SERINC1: variants seen among roughly 807,000 people sequenced by gnomAD.
The protein encoded by SERINC1 is serine incorporator 1, also known as tumor differentially expressed protein 2.
A neutral mutation model predicts 52.9 loss-of-function variants in SERINC1; 38 were observed. The observed-to-expected ratio is 0.72, with a 90% CI of 0.55 to 0.94. SERINC1 has a LOEUF of 0.94. Among genes scored for constraint, SERINC1 ranks in the 40% least tolerant of loss-of-function variants. The pLI is 0.00. For missense variants in SERINC1, 471 were observed against 533.9 expected (o/e 0.88, Z 1.16); for synonymous variants, 198 against 183.1 (o/e 1.08, Z -0.66).
intron 1 of SERINC1, among the ~76,000 whole-genome samples, chr6:122,468,225 A>G (rs939933162): frequency 6.6e-6 from 1 of 152,228 alleles, no homozygotes; most frequent in African/African-American, 2.4e-5. Flanking sequence ...TGTCTTATAC[A>G]ATGTTTTTCT....
At chr6:122,469,434 T>C (rs982208265) in intron 1 of SERINC1, among the ~76,000 whole-genome samples, 31 of 151,900 alleles carry the variant, frequency 2.0e-4, no homozygotes, top group Admixed American at 5.2e-4. Flanking sequence ...TGGAGTGCAG[T>C]GGCGCCATCT....
chr6:122,449,945 C>T (rs1447913559), intron 7 of SERINC1, among the ~76,000 whole-genome samples: 1 of 152,114 alleles, frequency 6.6e-6, no homozygotes, highest in Non-Finnish European at 1.5e-5. Flanking sequence ...ACCAAGGAGA[C>T]AGAAGTTGCA....
chr6:122,463,769 T>G (rs561727596), intron 1 of SERINC1, among the ~76,000 whole-genome samples: 1 of 152,310 alleles, frequency 6.6e-6, no homozygotes, highest in South Asian at 2.1e-4. Flanking sequence ...ACAACCATTT[T>G]GGAAACCAGT....
rs72956453 is a variant in SERINC1 at position 122,444,869 on chromosome 6, A to G, written c.*175T>C. The G allele has an allele frequency of 1.1e-3, 677 of 614,874 alleles. No individual in the cohort carries two copies. The highest frequency in any genetic ancestry group is 6.7e-3 in the Middle Eastern group (16 of 2,378). 38.1% of individuals were successfully genotyped at this position (614,874 alleles called of 1,614,324 possible). ...TCCTCTGCAATTCATTCTACTTCAC[A>G]TATCAATGCACTTGGTAAGAAAATA... On this transcript the variant is annotated 3_prime_UTR_variant, in exon 10 of 10. Transcript: ENST00000339697.
rs1157283312 is a variant in SERINC1 at position 122,456,398 on chromosome 6, C to A, written c.371+83G>T. 6 of 843,382 alleles carry A rather than the reference C, an allele frequency of 7.1e-6. No homozygotes were observed. In the South Asian group the frequency reaches 1.9e-4, roughly 27 times the overall value. The allele number at this position is 843,382 out of a possible 1,614,324, so 52.2% of individuals were successfully genotyped here. A position where few individuals can be genotyped will look rare whatever the true frequency, so the allele number is the denominator to read the frequency against. ...CTGCAAATTGTATAAGTTTATTTTA[C>A]CTTAAAGTTTCCTTGGATAAACTGG... On this transcript the variant is annotated intron_variant, in intron 3 of 9. Coordinates refer to ENST00000339697, the MANE Select transcript of SERINC1 (RefSeq NM_020755.4).
At chr6:122,459,259 C>T (rs753950690) in intron 1 of SERINC1, among the ~76,000 whole-genome samples, 5 of 152,156 alleles carry the variant, frequency 3.3e-5, no homozygotes, top group Non-Finnish European at 7.4e-5. Context: ...AGTATGCCCC[C>T]AAGGGAACAG....
intron 1 of SERINC1, among the ~76,000 whole-genome samples, chr6:122,459,229 AACC>A (rs1775056905): frequency 2.0e-5 from 3 of 152,332 alleles, no homozygotes; most frequent in East Asian, 3.9e-4. Context: ...TTTCTCCAGT[AACC>A]ACCACACTAA....
Position 122,453,898 on chromosome 6 carries a change from T to A in SERINC1, c.461A>T (p.Tyr154Phe). The A allele has an allele frequency of 6.3e-7, 1 of 1,594,570 alleles. No homozygotes were observed. The highest frequency in any genetic ancestry group is 8.6e-7 in the Non-Finnish European group (1 of 1,168,032). Residue 154 changes from tyrosine (Y) to phenylalanine (F), a missense_variant, in exon 5 of 10, where the codon TAT (tyrosine) becomes TTT (phenylalanine). By Grantham distance (22) the Tyr-to-Phe change is conservative. Transcript: ENST00000339697. ...PEGTFTTVWF[Y>F]VGMAGAFCFI... ...ACAAAAGGCACCTGCCATGCCTACA[T>A]AAAACCACACTGAAAGGGAAAGAAA...
chr6:122,455,607 A>C (rs952888026), intron 3 of SERINC1, among the ~76,000 whole-genome samples: 1 of 152,108 alleles, frequency 6.6e-6, no homozygotes, highest in Non-Finnish European at 1.5e-5. Flanking sequence ...CCCTTTATAT[A>C]TATCTATCTA....
intron 1 of SERINC1, among the ~76,000 whole-genome samples, chr6:122,460,879 A>G (rs1775089350): frequency 6.6e-6 from 1 of 152,194 alleles, no homozygotes; most frequent in Non-Finnish European, 1.5e-5. Context: ...ACGGACAGAC[A>G]TGGAAGATAA....
intron 1 of SERINC1, among the ~76,000 whole-genome samples, chr6:122,464,227 A>G (rs962730917): frequency 6.6e-6 from 1 of 152,190 alleles, no homozygotes; most frequent in Non-Finnish European, 1.5e-5. Context: ...ATGGAACTGT[A>G]TATTACAAAG....
rs1193256261 is a variant in SERINC1 at position 122,444,521 on chromosome 6, T to TC, written c.*522dup. On this transcript the variant is annotated 3_prime_UTR_variant, in exon 10 of 10. Transcript: ENST00000339697. ...CCTCCATCCATAACCTACACTATTG[T>TC]CCACTAAACACTCCCTACCTGTGTA... The TC allele has an allele frequency of 1.3e-5, 2 of 152,626 alleles. No individual in the cohort carries two copies. Among genetic ancestry groups the TC allele is most frequent in the African/African-American group, 4.8e-5 (2 of 41,458 alleles). 9.5% of individuals were successfully genotyped at this position (152,626 alleles called of 1,614,324 possible).
intron 1 of SERINC1, among the ~76,000 whole-genome samples, chr6:122,458,984 G>T (rs1429491126): frequency 1.3e-5 from 2 of 152,098 alleles, no homozygotes; most frequent in Non-Finnish European, 2.9e-5. Flanking sequence ...AAGAGGAAAA[G>T]AAATGGAATA....
chr6:122,448,757 TAG>T (rs1379931705), intron 7 of SERINC1, among the ~76,000 whole-genome samples: 2 of 151,324 alleles, frequency 1.3e-5, no homozygotes, highest in African/African-American at 4.8e-5. Flanking sequence ...GTTTCTTACA[TAG>T]ACATACCTTG....
intron 1 of SERINC1, among the ~76,000 whole-genome samples, chr6:122,469,021 T>C (rs1288550029): frequency 6.6e-6 from 1 of 152,160 alleles, no homozygotes; most frequent in Non-Finnish European, 1.5e-5. Context: ...ATGATGTTTA[T>C]AATGTTTAAA....
chr6:122,448,271 A>AC (rs1774842257), intron 7 of SERINC1, among the ~76,000 whole-genome samples: 1 of 152,174 alleles, frequency 6.6e-6, no homozygotes, highest in Non-Finnish European at 1.5e-5. Context: ...AAAGCAAACT[A>AC]CTAATAATTT....
At chr6:122,467,660 A>T (rs982401665) in intron 1 of SERINC1, among the ~76,000 whole-genome samples, 3 of 152,234 alleles carry the variant, frequency 2.0e-5, no homozygotes, top group African/African-American at 7.2e-5. Flanking sequence ...TGAAAGGAAA[A>T]GTCATTGCAT....
At chr6:122,466,598 T>G (rs1351662990) in intron 1 of SERINC1, among the ~76,000 whole-genome samples, 1 of 152,134 alleles carries the variant, frequency 6.6e-6, no homozygotes, top group Admixed American at 6.6e-5. Flanking sequence ...CCTCCCAAAG[T>G]GCTAAGATTA....
Position 122,451,702 on chromosome 6 carries a change from G to T in SERINC1, c.812C>A (p.Thr271Lys). 1 of 1,179,516 alleles carries T rather than the reference G, an allele frequency of 8.5e-7. No homozygotes were observed. Among genetic ancestry groups the T allele is most frequent in the Non-Finnish European group, 1.1e-6 (1 of 899,354 alleles). 73.1% of individuals were successfully genotyped at this position (1,179,516 alleles called of 1,614,324 possible). A position where few individuals can be genotyped will look rare whatever the true frequency, so the allele number is the denominator to read the frequency against. The change falls in exon 7 of 10, where the codon ACA becomes AAA. Residue 271 changes from threonine to lysine, a missense_variant. Thr to Lys is a moderately conservative substitution (Grantham distance 78). Coordinates refer to ENST00000339697, the MANE Select transcript of SERINC1 (RefSeq NM_020755.4). The part of the protein sequence containing the change: ...LLQSSVITVY[T>K]MYLTWSAMTN... ...CATAGCTGACCATGTCAAATACATT[G>T]TGTAGACTGTAATTACTGAAGACTG...
Sources: gnomAD v4.1 joint callset for allele counts (sites outside exome capture counted in the v4.1 genomes callset) on GRCh38, gnomAD v4.1.1 for gene constraint, MANE v1.5 for transcripts, NCBI Gene and HGNC (gene_info 2026-07-23, HGNC 2026-07-21) for gene names.